The following ANKRD44 variants were observed in gnomAD, a reference collection of about 807,000 sequenced individuals.
ANKRD44 encodes serine/threonine-protein phosphatase 6 regulatory ankyrin repeat subunit B.
In ANKRD44, 35 loss-of-function variants were observed where a neutral mutation model predicts 116.0. The observed-to-expected ratio is 0.30, with a 90% CI of 0.23 to 0.40. ANKRD44 has a LOEUF of 0.40. Ranked by LOEUF, ANKRD44 falls within the 10% of genes least tolerant of loss-of-function variation. The probability of loss-of-function intolerance (pLI) is 1.00; values close to 1 mark genes in which losing one functional copy is unlikely to be tolerated. For missense variants in ANKRD44, 1,014 were observed against 1,242.6 expected, an observed-to-expected ratio of 0.82 and a Z score of 2.77; for synonymous variants, 435 against 461.8, an observed-to-expected ratio of 0.94 and a Z score of 0.74.
chr2:197,024,997 T>G (rs1301673235), intron 17 of ANKRD44, among the ~76,000 whole-genome samples, 199 bp downstream of exon 17: 1 of 152,240 alleles, frequency 6.6e-6, no homozygotes, highest in Admixed American at 6.5e-5. Flanking sequence ...GGGTAAGTCA[T>G]GTGTCTAAGA....
At chr2:197,118,637 G>GAGAGAGAGAAAGAAAGAAAGAAAGAA (rs773839262) in intron 8 of ANKRD44, among the ~76,000 whole-genome samples, 4 of 112,440 alleles carry the variant, frequency 3.6e-5, no homozygotes, top group Admixed American at 9.5e-5. Context: ...GAGAGAGAGA[G>GAGAGAGAGAAAGAAAGAAAGAAAGAA]AGAAAGAAAG....
chr2:196,976,841 C>T (rs2075764426), intron 21 of ANKRD44, among the ~76,000 whole-genome samples: 1 of 151,188 alleles, frequency 6.6e-6, no homozygotes, highest in African/African-American at 2.4e-5. Context: ...GCACTCCAGC[C>T]TGGACAGCAG....
At chr2:197,107,843 T>A (rs1486836841) in intron 9 of ANKRD44, among the ~76,000 whole-genome samples, 1 of 152,164 alleles carries the variant, frequency 6.6e-6, no homozygotes, top group Admixed American at 6.5e-5. Flanking sequence ...CAGCCCAAGA[T>A]TCTTCCCAGA....
intron 16 of ANKRD44, among the ~76,000 whole-genome samples, chr2:197,052,387 G>A (rs764769233): frequency 3.9e-5 from 6 of 152,028 alleles, no homozygotes; most frequent in African/African-American, 4.8e-5. Context: ...AATACCTTCC[G>A]TGTTGTGACA....
chr2:197,064,926 T>A (rs2077398388), intron 16 of ANKRD44, among the ~76,000 whole-genome samples: 2 of 152,082 alleles, frequency 1.3e-5, no homozygotes, highest in South Asian at 4.2e-4. Flanking sequence ...TATCCAGGAA[T>A]TGAACTCAGC....
At chr2:197,270,398 T>C (rs181079391) in intron 1 of ANKRD44, among the ~76,000 whole-genome samples, 13 of 152,068 alleles carry the variant, frequency 8.5e-5, no homozygotes, top group African/African-American at 3.1e-4. Flanking sequence ...AATGAAAGAA[T>C]AAAGAATAAT....
intron 16 of ANKRD44, among the ~76,000 whole-genome samples, chr2:197,035,311 GC>G (rs962641871): frequency 8.6e-5 from 13 of 150,586 alleles, no homozygotes; most frequent in African/African-American, 3.2e-4. Flanking sequence ...AAATCCAGGG[GC>G]CCCGAGAGAC....
At chr2:197,027,966 A>G (rs1417902178) in intron 16 of ANKRD44, among the ~76,000 whole-genome samples, 1 of 152,110 alleles carries the variant, frequency 6.6e-6, no homozygotes, top group Non-Finnish European at 1.5e-5. Context: ...CTGAGATTAC[A>G]CAGGCATGAG....
rs1047870245 is a variant in ANKRD44, at chr2:197,212,233, G to A, written c.28-25127C>T. Among the ~76,000 whole-genome samples the A allele has an allele frequency of 6.6e-6, 1 of 152,148 alleles. No homozygotes were observed. Among genetic ancestry groups the A allele is most frequent in the African/African-American group, 2.4e-5 (1 of 41,420 alleles). On this transcript the variant is annotated intron_variant, in intron 1 of 27. Coordinates refer to ENST00000282272, the MANE Select transcript of ANKRD44 (RefSeq NM_001195144.2). The surrounding 1 kb of genome is among the most constrained non-coding windows in gnomAD (Gnocchi z 4.8). ...CCAGGCAGATAGGGATCCAGTGGGA[G>A]CACACTGGCACCAAACACGAAAGTC...
chr2:197,088,436 T>G (rs887241440), intron 12 of ANKRD44, among the ~76,000 whole-genome samples: 1 of 152,098 alleles, frequency 6.6e-6, no homozygotes, highest in African/African-American at 2.4e-5. Context: ...GTAACTGATA[T>G]GTATTCTATA....
In ANKRD44 at chr2:197,089,970, C is replaced by A. The variant is rs1427798878; in HGVS notation, c.1163G>T (p.Cys388Phe). The change falls in exon 11 of 28, where the codon TGC becomes TTC. Residue 388 changes from cysteine (C) to phenylalanine (F), a missense_variant. Cys to Phe is a radical substitution (Grantham distance 205). Transcript: ENST00000282272. ...LAALNAHSDCCRKLLSSGFEI... is the reference protein window; with the variant it reads ...LAALNAHSDCFRKLLSSGFEI... Reference sequence around the variant, plus strand: ...CTTACCCGATGATAACAACTTTCTGCAGCAGTCAGAGTGAGCATTTAGGGC... The same window carrying A: ...CTTACCCGATGATAACAACTTTCTGAAGCAGTCAGAGTGAGCATTTAGGGC... 3 of 1,614,020 alleles carry A rather than the reference C, an allele frequency of 1.9e-6. No individual in the cohort carries two copies. Among genetic ancestry groups the A allele is most frequent in the Non-Finnish European group, 2.5e-6 (3 of 1,179,908 alleles).
intron 3 of ANKRD44, among the ~76,000 whole-genome samples, chr2:197,146,008 G>A (rs766549548): frequency 5.3e-5 from 8 of 152,152 alleles, no homozygotes; most frequent in Non-Finnish European, 8.8e-5. Context: ...GATTTGTCTA[G>A]TAAACACTCA....
intron 1 of ANKRD44, among the ~76,000 whole-genome samples, chr2:197,204,484 CAT>C (rs1479049276): frequency 6.6e-6 from 1 of 152,108 alleles, no homozygotes; most frequent in East Asian, 1.9e-4. Flanking sequence ...GGTCTGGAAA[CAT>C]GTGACATAAT....
intron 16 of ANKRD44, among the ~76,000 whole-genome samples, chr2:197,040,705 G>A (rs1473770551): frequency 6.6e-6 from 1 of 151,986 alleles, no homozygotes; most frequent in Non-Finnish European, 1.5e-5. Flanking sequence ...AAGTTTTGCT[G>A]TCTGGTAGGA....
chr2:196,969,780 T>C (rs1370564422), intron 21 of ANKRD44, among the ~76,000 whole-genome samples: 2 of 152,230 alleles, frequency 1.3e-5, no homozygotes. Context: ...AATCAATCAT[T>C]CTATTTAATG....
At chr2:197,100,978 G>A (rs1187158235) in intron 9 of ANKRD44, among the ~76,000 whole-genome samples, 1 of 151,794 alleles carries the variant, frequency 6.6e-6, no homozygotes. Context: ...ACATTTTACC[G>A]CTAAGTATGT....
downstream of ANKRD44, among the ~76,000 whole-genome samples, chr2:196,982,779 T>C (rs2075811016): frequency 6.6e-6 from 1 of 152,198 alleles, no homozygotes. Context: ...GCCAGAGTGA[T>C]CTTTTAAAAA....
chr2:196,967,237 C>T (rs2075678650), exon 22 of ANKRD44: 1 of 248,610 alleles, frequency 4.0e-6, no homozygotes, highest in African/African-American at 2.2e-5. Flanking sequence ...ATCTTGTTCC[C>T]AGTTGGAAAA....
chr2:197,103,045 C>A (rs549764837), intron 9 of ANKRD44, among the ~76,000 whole-genome samples: 1 of 151,826 alleles, frequency 6.6e-6, no homozygotes, highest in Non-Finnish European at 1.5e-5. Flanking sequence ...CTGGCAAACA[C>A]GGTGAAACCC....
Sources: allele counts gnomAD v4.1 joint callset (sites outside exome capture counted in the v4.1 genomes callset), GRCh38; gene constraint gnomAD v4.1.1; non-coding constraint Gnocchi (gnomAD v3.1); transcripts MANE v1.5; gene names NCBI Gene and HGNC (gene_info 2026-07-23, HGNC 2026-07-21).